Variants in SRBD1 observed in about 807,000 individuals in gnomAD.
SRBD1 encodes the protein S1 RNA-binding domain-containing protein 1.
A neutral mutation model predicts 115.3 loss-of-function variants in SRBD1; 88 were observed. The ratio of observed to expected loss-of-function variants is 0.76; its 90% CI spans 0.64 to 0.91. The LOEUF (loss-of-function observed/expected upper bound fraction) is 0.91. SRBD1 is among the 40% of genes least tolerant of loss of function. The pLI is 0.00. For synonymous variants in SRBD1, 509 were observed against 407.7 expected, an observed-to-expected ratio of 1.25 and a Z score of -2.99; for missense variants, 1,385 against 1,177.4, an observed-to-expected ratio of 1.18 and a Z score of -2.58.
chr2:45,396,521 G>A (rs1667149796), intron 19 of SRBD1, among the ~76,000 whole-genome samples: 1 of 152,136 alleles, frequency 6.6e-6, no homozygotes, highest in Non-Finnish European at 1.5e-5. Flanking sequence ...AAGTAAGAAA[G>A]TACCATAAAT....
chr2:45,502,902 C>G (rs1670680261), intron 14 of SRBD1, among the ~76,000 whole-genome samples: 1 of 152,054 alleles, frequency 6.6e-6, no homozygotes, highest in African/African-American at 2.4e-5. Context: ...TCAATGCAGC[C>G]CCAAACTCCA....
At chr2:45,437,357 T>TA (rs144108756) in intron 16 of SRBD1, among the ~76,000 whole-genome samples, 87,180 of 133,882 alleles carry the variant, frequency 0.65, 28,387 homozygotes, top group Non-Finnish European at 0.68. Context: ...AGTATTGGTT[T>TA]AAAAAAAAAA....
intron 14 of SRBD1, among the ~76,000 whole-genome samples, chr2:45,531,544 T>A (rs189443498): frequency 6.6e-6 from 1 of 151,626 alleles, no homozygotes; most frequent in Non-Finnish European, 1.5e-5. Context: ...AGTTCTACAG[T>A]AAAGACGATA....
chr2:45,570,212 G>A (rs1156326518), intron 9 of SRBD1, among the ~76,000 whole-genome samples: 1 of 152,132 alleles, frequency 6.6e-6, no homozygotes, highest in Non-Finnish European at 1.5e-5. Flanking sequence ...CTAGACTACA[G>A]AATAAGTTTC....
At chr2:45,561,166 CT>C (rs1672653503) in intron 10 of SRBD1, among the ~76,000 whole-genome samples, 1 of 152,072 alleles carries the variant, frequency 6.6e-6, no homozygotes, top group South Asian at 2.1e-4. Context: ...TATAAAGACA[CT>C]TATTTGCCAC....
At chr2:45,507,053 G>A (rs973232314) in intron 14 of SRBD1, among the ~76,000 whole-genome samples, 4 of 152,102 alleles carry the variant, frequency 2.6e-5, no homozygotes, top group African/African-American at 9.7e-5. Flanking sequence ...GCTCATGTTT[G>A]GCGTATAGTA....
At chr2:45,413,711 T>C (rs1667674240) in intron 18 of SRBD1, among the ~76,000 whole-genome samples, 1 of 152,092 alleles carries the variant, frequency 6.6e-6, no homozygotes, top group Non-Finnish European at 1.5e-5. Flanking sequence ...GCAGATCACC[T>C]GAGGTCAGGA....
intron 14 of SRBD1, among the ~76,000 whole-genome samples, chr2:45,517,838 C>T (rs1671166962): frequency 1.3e-5 from 2 of 150,274 alleles, no homozygotes; most frequent in South Asian, 4.2e-4. Context: ...GTACCAAAAA[C>T]ATTTTTTTTT....
chr2:45,602,729 T>TAA (rs78549905), intron 2 of SRBD1, among the ~76,000 whole-genome samples: 5,816 of 152,298 alleles, frequency 0.038, 162 homozygotes, highest in East Asian at 0.12. Context: ...GGAACTCTTT[T>TAA]AAAGGACCAT....
intron 16 of SRBD1, among the ~76,000 whole-genome samples, chr2:45,442,039 C>G (rs1192425614): frequency 6.6e-6 from 1 of 152,158 alleles, no homozygotes; most frequent in East Asian, 1.9e-4. Context: ...CCTGGGAACT[C>G]AAAACTTAAG....
At chr2:45,564,253 A>AT (rs1198110342) in intron 9 of SRBD1, among the ~76,000 whole-genome samples, 46 of 151,694 alleles carry the variant, frequency 3.0e-4, no homozygotes, top group African/African-American at 1.0e-3. Flanking sequence ...GCCCTTCATG[A>AT]TAAAAAACAC....
At chr2:45,560,411 C>G (rs1266897439) in intron 10 of SRBD1, among the ~76,000 whole-genome samples, 1 of 152,158 alleles carries the variant, frequency 6.6e-6, no homozygotes, top group Non-Finnish European at 1.5e-5. Context: ...TAAAACATTT[C>G]TAAAAAGAAT....
At chr2:45,578,337 T>C (rs1289183545) in intron 7 of SRBD1, among the ~76,000 whole-genome samples, 1 of 152,176 alleles carries the variant, frequency 6.6e-6, no homozygotes, top group Non-Finnish European at 1.5e-5. Context: ...GTTGCAACCA[T>C]TTGGAAATCT....
chr2:45,585,881 C>T, intron 4 of SRBD1, 107 bp from the exon 5 acceptor site: 3 of 855,508 alleles, frequency 3.5e-6, no homozygotes, highest in Non-Finnish European at 5.0e-6. Context: ...GACTTAGAAA[C>T]TACTTGCTAT....
At chr2:45,396,178 T>G (rs942653889) in intron 19 of SRBD1, among the ~76,000 whole-genome samples, 1 of 152,184 alleles carries the variant, frequency 6.6e-6, no homozygotes, top group Admixed American at 6.5e-5. Flanking sequence ...AAGGCCATGA[T>G]GTTATTCTAA....
chr2:45,556,296 T>A (rs1672473936), intron 10 of SRBD1, among the ~76,000 whole-genome samples: 1 of 152,094 alleles, frequency 6.6e-6, no homozygotes, highest in African/African-American at 2.4e-5. Flanking sequence ...CTTTTTTCAA[T>A]GAAACAAATA....
intron 14 of SRBD1, among the ~76,000 whole-genome samples, chr2:45,534,719 C>CACCA (rs1026804176): frequency 1.3e-5 from 2 of 151,882 alleles, no homozygotes; most frequent in Non-Finnish European, 2.9e-5. Context: ...AAATTAATAA[C>CACCA]ACCAACCACA....
intron 14 of SRBD1, among the ~76,000 whole-genome samples, chr2:45,506,364 G>A (rs550858029): frequency 6.6e-6 from 1 of 152,264 alleles, no homozygotes; most frequent in Admixed American, 6.5e-5. Flanking sequence ...GCACAAGCAG[G>A]AGCCAGGACT....
At chr2:45,412,365 A>G (rs1196494189) in intron 19 of SRBD1, among the ~76,000 whole-genome samples, 3 of 152,056 alleles carry the variant, frequency 2.0e-5, no homozygotes, top group Admixed American at 1.3e-4. Context: ...TCTATAATAT[A>G]CTATAGTCTT....
Sources: gnomAD v4.1 joint callset for allele counts (sites outside exome capture counted in the v4.1 genomes callset) on GRCh38, gnomAD v4.1.1 for gene constraint, MANE v1.5 for transcripts, NCBI Gene and HGNC (gene_info 2026-07-23, HGNC 2026-07-21) for gene names.